Variants in XRCC4 observed in about 807,000 individuals in gnomAD.
The protein encoded by XRCC4 is DNA repair protein XRCC4.
XRCC4 carries 28 observed loss-of-function variants against 39.1 expected under a neutral mutation model. That is an observed-to-expected ratio of 0.72 (90% CI 0.53 to 0.98). The LOEUF is 0.98. XRCC4 is among the 50% of genes least tolerant of loss of function. The pLI is 0.00. For synonymous variants in XRCC4, 123 were observed against 126.4 expected, an observed-to-expected ratio of 0.97 and a Z score of 0.18; for missense variants, 350 against 376.4, an observed-to-expected ratio of 0.93 and a Z score of 0.58.
chr5:83,368,879 C>T, the XRCC4 span, among the ~76,000 whole-genome samples: 1 of 152,182 alleles, frequency 6.6e-6, no homozygotes, highest in South Asian at 2.1e-4. Flanking sequence ...TGGATAGAGA[C>T]ATAGAACTTG....
intron 7 of XRCC4, among the ~76,000 whole-genome samples, chr5:83,290,632 G>A (rs1226966232): frequency 6.6e-6 from 1 of 151,758 alleles, no homozygotes; most frequent in Non-Finnish European, 1.5e-5. Context: ...CACTTAAAGG[G>A]AAAATTTTCA....
chr5:83,230,127 T>C (rs112217735), intron 6 of XRCC4, among the ~76,000 whole-genome samples: 5,633 of 152,076 alleles, frequency 0.037, 345 homozygotes, highest in African/African-American at 0.13. Context: ...AGTGCAGCAT[T>C]CTGAAGTTAG....
At chr5:83,213,781 T>C (rs1261871185) in intron 6 of XRCC4, among the ~76,000 whole-genome samples, 4 of 152,062 alleles carry the variant, frequency 2.6e-5, no homozygotes, top group Admixed American at 2.6e-4. Context: ...TAGACAAATA[T>C]CCATCATGAA....
intron 3 of XRCC4, among the ~76,000 whole-genome samples, chr5:83,145,381 A>G (rs1748402920): frequency 6.6e-6 from 1 of 152,138 alleles, no homozygotes; most frequent in African/African-American, 2.4e-5. Flanking sequence ...TGTAGAGAGG[A>G]GATTCTCTTA....
chr5:83,109,101 A>C (rs866832662), intron 2 of XRCC4, among the ~76,000 whole-genome samples: 9 of 151,852 alleles, frequency 5.9e-5, no homozygotes, highest in Non-Finnish European at 1.3e-4. Flanking sequence ...GTACCTTGCA[A>C]GACTCCCTTT....
intron 2 of XRCC4, among the ~76,000 whole-genome samples, chr5:83,108,865 T>TTTG (rs1175223686): frequency 4.6e-5 from 7 of 151,296 alleles, no homozygotes; most frequent in Non-Finnish European, 7.4e-5. Flanking sequence ...TTTTTTTTTT[T>TTTG]TTAGAAGAGC....
At chr5:83,329,430 A>G (rs1756366885) in intron 7 of XRCC4, among the ~76,000 whole-genome samples, 1 of 152,142 alleles carries the variant, frequency 6.6e-6, no homozygotes, top group Non-Finnish European at 1.5e-5. Context: ...AAAAGCCAAG[A>G]AAACAATAGT....
At chr5:83,332,412 T>C (rs1756467939) in intron 7 of XRCC4, among the ~76,000 whole-genome samples, 1 of 152,146 alleles carries the variant, frequency 6.6e-6, no homozygotes, top group African/African-American at 2.4e-5. Flanking sequence ...ATAGCATCTG[T>C]TTTAGATTGT....
chr5:83,113,288 G>A lies in XRCC4; in HGVS notation c.315+2085G>A, dbSNP rs865792228. Among the ~76,000 whole-genome samples, 5 of 152,318 alleles carry A rather than the reference G, an allele frequency of 3.3e-5. No homozygotes were observed. In the Middle Eastern group the frequency reaches 0.01, roughly 311 times the overall value. ...CTTTGACTCCATATCTCACATCCAG[G>A]TGATGCTAATGCAAGAGGCGGACTC... is the stretch of plus-strand genomic sequence containing the variant. On this transcript the variant is annotated intron_variant, in intron 3 of 7. Transcript: ENST00000396027.
intron 3 of XRCC4, among the ~76,000 whole-genome samples, chr5:83,114,994 A>G (rs1235782782): frequency 6.6e-6 from 1 of 152,154 alleles, no homozygotes; most frequent in Non-Finnish European, 1.5e-5. Context: ...CAGGCAAGAG[A>G]GCATGTGCAG....
intron 3 of XRCC4, among the ~76,000 whole-genome samples, chr5:83,128,553 T>G (rs199950018): frequency 3.3e-5 from 5 of 152,292 alleles, no homozygotes; most frequent in African/African-American, 1.2e-4. Flanking sequence ...CACCACACTG[T>G]CTTCCACAAT....
intron 3 of XRCC4, among the ~76,000 whole-genome samples, chr5:83,169,137 TC>T (rs746701576): frequency 2.0e-5 from 3 of 152,202 alleles, no homozygotes; most frequent in Admixed American, 6.6e-5. Context: ...TGTAATATTT[TC>T]CCCATTCTTA....
intron 1 of XRCC4, among the ~76,000 whole-genome samples, chr5:83,099,821 G>GGACTGGT (rs1745842720): frequency 6.6e-6 from 1 of 152,122 alleles, no homozygotes; most frequent in Non-Finnish European, 1.5e-5. Flanking sequence ...CTCTGAAGAG[G>GGACTGGT]ATTCCACCCC....
chr5:83,166,002 C>CA (rs1230005727), intron 3 of XRCC4, among the ~76,000 whole-genome samples: 1 of 151,872 alleles, frequency 6.6e-6, no homozygotes, highest in Non-Finnish European at 1.5e-5. Context: ...TCTCCTGCCC[C>CA]AGCCTCCCAA....
rs551710369 is a variant in XRCC4 at position 83,268,048 on chromosome 5, A to C, written c.893+9371A>C. Among the ~76,000 whole-genome samples, 3 of 152,330 alleles carry C rather than the reference A, an allele frequency of 2.0e-5. No individual in the cohort carries two copies. In the South Asian group the frequency reaches 6.2e-4, roughly 32 times the overall value. On this transcript the variant is annotated intron_variant, in intron 7 of 7. Transcript: ENST00000396027. ...CAGAGCTTTACAAAAATTTTCCTGG[A>C]AACCATATATTGGATGGAAGGAAAG...
At chr5:83,213,560 G>A (rs1408614170) in intron 6 of XRCC4, among the ~76,000 whole-genome samples, 4 of 151,976 alleles carry the variant, frequency 2.6e-5, no homozygotes, top group East Asian at 1.9e-4. Flanking sequence ...TAAATGTATT[G>A]AATTAGTAAT....
intron 7 of XRCC4, among the ~76,000 whole-genome samples, chr5:83,300,374 G>A (rs1470971776): frequency 1.3e-5 from 2 of 152,008 alleles, no homozygotes; most frequent in East Asian, 3.9e-4. Flanking sequence ...ATTTTAAGCA[G>A]GAGATATTAG....
chr5:83,367,024 G>T, the XRCC4 span, among the ~76,000 whole-genome samples: 2 of 152,130 alleles, frequency 1.3e-5, no homozygotes, highest in African/African-American at 4.8e-5. Context: ...TTAGAACAGG[G>T]ATTTAGTCTG....
At chr5:83,274,367 C>A (rs1286164347) in intron 7 of XRCC4, among the ~76,000 whole-genome samples, 1 of 152,042 alleles carries the variant, frequency 6.6e-6, no homozygotes, top group African/African-American at 2.4e-5. Context: ...ACTTTTGTAC[C>A]TTCCCTGCTC....
Sources: allele counts gnomAD v4.1 joint callset (sites outside exome capture counted in the v4.1 genomes callset), GRCh38; gene constraint gnomAD v4.1.1; transcripts MANE v1.5; gene names NCBI Gene and HGNC (gene_info 2026-07-23, HGNC 2026-07-21).